CLIC5: variants seen among roughly 807,000 people sequenced by gnomAD.
The protein encoded by CLIC5 is CLIC family member 5.
CLIC5 carries 20 observed loss-of-function variants against 24.7 expected under a neutral mutation model. The observed-to-expected ratio is 0.81, with a 90% CI of 0.57 to 1.18. The LOEUF is 1.18. CLIC5 is among the 50% of genes most tolerant of loss of function. The pLI, the probability that CLIC5 is intolerant of heterozygous loss-of-function variation, is 0.00. For synonymous variants in CLIC5, 159 were observed against 135.6 expected, an observed-to-expected ratio of 1.17 and a Z score of -1.20; for missense variants, 341 against 326.1, an observed-to-expected ratio of 1.05 and a Z score of -0.35.
intron 1 of CLIC5, among the ~76,000 whole-genome samples, chr6:46,071,307 T>A (rs1483711567): frequency 6.6e-6 from 1 of 151,642 alleles, no homozygotes; most frequent in African/African-American, 2.4e-5. Context: ...AGGAGAAAAA[T>A]TTTGCAAGCT....
intron 1 of CLIC5, among the ~76,000 whole-genome samples, chr6:45,958,050 C>G (rs1453470724): frequency 6.6e-6 from 1 of 152,018 alleles, no homozygotes; most frequent in Non-Finnish European, 1.5e-5. Flanking sequence ...TGCATGGGAC[C>G]TTATTGGGAA....
At chr6:46,009,250 C>T (rs1372453247) in intron 1 of CLIC5, among the ~76,000 whole-genome samples, 1 of 151,910 alleles carries the variant, frequency 6.6e-6, no homozygotes. Flanking sequence ...TTTCTTTTTA[C>T]AGGGAAGAAT....
chr6:46,051,472 A>G (rs987628739), intron 1 of CLIC5, among the ~76,000 whole-genome samples: 23 of 152,208 alleles, frequency 1.5e-4, no homozygotes, highest in Non-Finnish European at 1.0e-4. Flanking sequence ...TAAAGTGAGG[A>G]TAAAGTCTTG....
chr6:45,938,493 C>T (rs545069555), intron 4 of CLIC5, among the ~76,000 whole-genome samples: 1 of 152,244 alleles, frequency 6.6e-6, no homozygotes, highest in Admixed American at 6.5e-5. Flanking sequence ...GGTGGAATAG[C>T]ACATCTGGGG....
chr6:46,104,344 T>C, the CLIC5 span, among the ~76,000 whole-genome samples: 1 of 152,288 alleles, frequency 6.6e-6, no homozygotes, highest in Admixed American at 6.5e-5. Context: ...CTTCAAGTCA[T>C]GACAGGTGAC....
At chr6:45,887,867 T>C (rs147983219) in intron 6 of CLIC5, among the ~76,000 whole-genome samples, 57 of 152,154 alleles carry the variant, frequency 3.7e-4, no homozygotes, top group African/African-American at 8.9e-4. Flanking sequence ...GGTACCTAAT[T>C]GTCACAAGAA....
the CLIC5 span, among the ~76,000 whole-genome samples, chr6:46,098,137 G>T: frequency 6.6e-6 from 1 of 152,184 alleles, no homozygotes; most frequent in Non-Finnish European, 1.5e-5. Flanking sequence ...ATTTCTAAAA[G>T]TTAAAACATC....
chr6:46,114,093 G>A, the CLIC5 span, among the ~76,000 whole-genome samples: 2 of 152,198 alleles, frequency 1.3e-5, no homozygotes, highest in African/African-American at 4.8e-5. Context: ...TCTGAAAGAT[G>A]AGGCAGAATG....
chr6:45,931,700 C>G (rs1763742872), intron 4 of CLIC5, among the ~76,000 whole-genome samples: 1 of 152,110 alleles, frequency 6.6e-6, no homozygotes, highest in South Asian at 2.1e-4. Flanking sequence ...GCTCTGTCAC[C>G]CAGGCTAAAG....
upstream of CLIC5, among the ~76,000 whole-genome samples, chr6:46,084,187 T>A (rs1762982645): frequency 3.3e-5 from 5 of 152,132 alleles, no homozygotes; most frequent in South Asian, 6.2e-4. Flanking sequence ...GTGAGATGGG[T>A]TTCCTGAATA....
rs551331937 is a variant in CLIC5, at chr6:45,966,417, G to A, written c.64-11173C>T. On this transcript the variant is annotated intron_variant, in intron 1 of 5. Coordinates refer to ENST00000339561, the MANE Select transcript of CLIC5 (RefSeq NM_016929.5). ...GACATCAGAATTCTTTTCCCTCAAT[G>A]TTCTCGAGGTGATTCTAATGTTCAG... Among the ~76,000 whole-genome samples the A allele has an allele frequency of 5.1e-4, 77 of 152,182 alleles. 1 individual carries two copies. Among genetic ancestry groups the A allele is most frequent in the African/African-American group, 1.7e-3 (72 of 41,496 alleles).
At chr6:46,024,871 T>C (rs894424133) in intron 1 of CLIC5, among the ~76,000 whole-genome samples, 1 of 152,154 alleles carries the variant, frequency 6.6e-6, no homozygotes, top group Admixed American at 6.6e-5. Flanking sequence ...AGTATTAAAG[T>C]TCTAAATCCT....
chr6:45,961,565 C>A (rs1764842946), intron 1 of CLIC5, among the ~76,000 whole-genome samples: 5 of 152,192 alleles, frequency 3.3e-5, no homozygotes, highest in Admixed American at 2.6e-4. Context: ...ACTGTTTAGA[C>A]AAAGAAGCTT....
At chr6:45,948,184 T>G (rs1764349014) in intron 3 of CLIC5, among the ~76,000 whole-genome samples, 1 of 152,226 alleles carries the variant, frequency 6.6e-6, no homozygotes, top group Non-Finnish European at 1.5e-5. Flanking sequence ...ATAAAAGTGT[T>G]GATGAATAAA....
At chr6:46,114,238 T>C in the CLIC5 span, among the ~76,000 whole-genome samples, 1 of 152,154 alleles carries the variant, frequency 6.6e-6, no homozygotes, top group Admixed American at 6.5e-5. Flanking sequence ...TTGTCCGCTA[T>C]TGCCTTAAGT....
At chr6:46,011,614 A>G (rs1189200506) in intron 1 of CLIC5, among the ~76,000 whole-genome samples, 3 of 152,150 alleles carry the variant, frequency 2.0e-5, no homozygotes, top group Non-Finnish European at 4.4e-5. Flanking sequence ...ACTTGCGGCG[A>G]GCTTGTCTGT....
intron 1 of CLIC5, among the ~76,000 whole-genome samples, chr6:46,069,014 C>T (rs529917796): frequency 1.1e-4 from 16 of 152,118 alleles, no homozygotes; most frequent in South Asian, 4.2e-4. Flanking sequence ...TAGGGAGGGA[C>T]GAGGAAAGCC....
chr6:45,980,920 G>A (rs1765548622), intron 1 of CLIC5, among the ~76,000 whole-genome samples: 1 of 151,974 alleles, frequency 6.6e-6, no homozygotes. Context: ...ATCATTATTT[G>A]AAGCATGCAT....
the CLIC5 span, among the ~76,000 whole-genome samples, chr6:46,100,603 G>T: frequency 6.6e-6 from 1 of 152,154 alleles, no homozygotes; most frequent in Admixed American, 6.5e-5. Flanking sequence ...AAGTGGATGG[G>T]TGCCATTCAT....
Sources: allele counts gnomAD v4.1 joint callset (sites outside exome capture counted in the v4.1 genomes callset), GRCh38; gene constraint gnomAD v4.1.1; transcripts MANE v1.5; gene names NCBI Gene and HGNC (gene_info 2026-07-23, HGNC 2026-07-21).